LHFPL3: variants seen among roughly 807,000 people sequenced by gnomAD.
LHFPL3 encodes LHFPL tetraspan subfamily member 3.
In LHFPL3, 5 loss-of-function variants were observed where a neutral mutation model predicts 19.3. The ratio of observed to expected loss-of-function variants is 0.26; its 90% confidence interval spans 0.14 to 0.54. The LOEUF (loss-of-function observed/expected upper bound fraction) is 0.54, where lower values mean the gene tolerates loss of function less well. Among genes scored for constraint, LHFPL3 ranks in the 20% least tolerant of loss-of-function variants. The pLI is 0.94. For missense variants in LHFPL3, 249 were observed against 307.4 expected (o/e 0.81, Z 1.42); for synonymous variants, 133 against 126.2 (o/e 1.05, Z -0.36).
chr7:104,618,996 A>G (rs1293564290), intron 1 of LHFPL3, among the ~76,000 whole-genome samples: 2 of 152,170 alleles, frequency 1.3e-5, no homozygotes, highest in African/African-American at 4.8e-5. Context: ...CTAACTGTTC[A>G]CTCAGTGGTC....
intron 1 of LHFPL3, among the ~76,000 whole-genome samples, chr7:104,587,775 G>C (rs1790611539): frequency 6.6e-6 from 1 of 151,926 alleles, no homozygotes; most frequent in Non-Finnish European, 1.5e-5. Flanking sequence ...ATCCTCTCCA[G>C]CACCTGTTGT....
chr7:104,531,365 G>A (rs76579469), intron 1 of LHFPL3, among the ~76,000 whole-genome samples: 7 of 152,276 alleles, frequency 4.6e-5, no homozygotes, highest in African/African-American at 1.7e-4. Context: ...AATAAGAGTT[G>A]GCAAGGACCG....
chr7:104,432,394 C>T (rs868105039), intron 1 of LHFPL3, among the ~76,000 whole-genome samples: 2 of 152,260 alleles, frequency 1.3e-5, no homozygotes, highest in South Asian at 4.1e-4. Flanking sequence ...ACACTCTTAC[C>T]TTGACTTCCC....
intron 1 of LHFPL3, among the ~76,000 whole-genome samples, chr7:104,569,569 C>A (rs143894610): frequency 6.6e-6 from 1 of 151,992 alleles, no homozygotes; most frequent in Non-Finnish European, 1.5e-5. Flanking sequence ...GTTTACTATA[C>A]GAAAATAGAT....
chr7:104,443,979 C>G (rs1792277796), intron 1 of LHFPL3, among the ~76,000 whole-genome samples: 1 of 152,182 alleles, frequency 6.6e-6, no homozygotes, highest in South Asian at 2.1e-4. Flanking sequence ...TATTCATTTC[C>G]CAAAAGTCAT....
chr7:104,871,430 T>A lies in LHFPL3; in HGVS notation c.683-34757T>A, dbSNP rs567736981. Among the ~76,000 whole-genome samples, 11 of 152,296 alleles carry A rather than the reference T, an allele frequency of 7.2e-5. No individual in the cohort carries two copies. The East Asian group carries it at 1.3e-3, about 19-fold the overall frequency. On this transcript the variant is annotated intron_variant, in intron 2 of 2. Transcript: ENST00000424859. The stretch of plus-strand genomic sequence containing the variant: ...GGTGGGTCAGTGAGTGAATGGTGAA[T>A]GAATGTGAAGGCCTAGGATGTTACT...
intron 1 of LHFPL3, among the ~76,000 whole-genome samples, chr7:104,476,441 T>C (rs1189501328): frequency 6.8e-6 from 1 of 147,570 alleles, no homozygotes; most frequent in Non-Finnish European, 1.5e-5. Flanking sequence ...CAATGCTCTT[T>C]AGCTTCCCTC....
rs1356752373 is a variant in LHFPL3, at chr7:104,840,926, G to A, written c.683-65261G>A. Reference sequence around the variant, plus strand: ...AAGGTTGTCTTTTTTTTAATGTTTCGAGTATAATAAGTAAGCTTATGAAAT... The same window carrying A: ...AAGGTTGTCTTTTTTTTAATGTTTCAAGTATAATAAGTAAGCTTATGAAAT... On this transcript the variant is annotated intron_variant, in intron 2 of 2. Coordinates refer to ENST00000424859, the MANE Select transcript of LHFPL3 (RefSeq NM_199000.3). 2.6e-5 allele frequency among the ~76,000 whole-genome samples: 4 copies of A among 151,944 alleles called. No individual in the cohort carries two copies. The East Asian group carries it at 7.7e-4, about 29-fold the overall frequency.
intron 1 of LHFPL3, among the ~76,000 whole-genome samples, chr7:104,513,297 A>G (rs1793856535): frequency 6.6e-6 from 1 of 152,202 alleles, no homozygotes; most frequent in Non-Finnish European, 1.5e-5. Context: ...ACTTCAGCCC[A>G]TATGACTTAC....
intron 1 of LHFPL3, among the ~76,000 whole-genome samples, chr7:104,447,320 A>T (rs1224846394): frequency 6.6e-6 from 1 of 152,150 alleles, no homozygotes; most frequent in African/African-American, 2.4e-5. Context: ...ATTTTTAAGT[A>T]TCTCTCCCAG....
At chr7:104,585,671 C>T (rs983123748) in intron 1 of LHFPL3, among the ~76,000 whole-genome samples, 1 of 152,010 alleles carries the variant, frequency 6.6e-6, no homozygotes, top group Non-Finnish European at 1.5e-5. Flanking sequence ...TTTGGCTGAG[C>T]CCTGGAAATA....
At chr7:104,470,037 G>T (rs748646954) in intron 1 of LHFPL3, 8 of 455,930 alleles carry the variant, frequency 1.8e-5, no homozygotes, top group African/African-American at 1.4e-4. Flanking sequence ...TGAACTTCGG[G>T]TGTTTACTGC....
intron 1 of LHFPL3, among the ~76,000 whole-genome samples, chr7:104,388,754 A>G (rs1388698587): frequency 6.6e-6 from 1 of 152,182 alleles, no homozygotes; most frequent in Non-Finnish European, 1.5e-5. Context: ...TAATATATTA[A>G]TAGAGTAATG....
chr7:104,455,241 C>T (rs1792517213), intron 1 of LHFPL3, among the ~76,000 whole-genome samples: 1 of 152,184 alleles, frequency 6.6e-6, no homozygotes, highest in African/African-American at 2.4e-5. Context: ...GGTGATGAGG[C>T]ATATTAATTG....
intron 1 of LHFPL3, among the ~76,000 whole-genome samples, chr7:104,555,601 G>A (rs1288286739): frequency 6.6e-6 from 1 of 152,190 alleles, no homozygotes; most frequent in African/African-American, 2.4e-5. Context: ...CACAACATGT[G>A]AGAATTGTGG....
intron 1 of LHFPL3, among the ~76,000 whole-genome samples, chr7:104,614,237 A>G (rs138298244): frequency 2.6e-5 from 4 of 152,280 alleles, no homozygotes; most frequent in African/African-American, 4.8e-5. Flanking sequence ...TCTGTCTGCT[A>G]TATGCCATCA....
intron 2 of LHFPL3, chr7:104,845,379 C>A (rs1027052990): frequency 6.6e-6 from 10 of 1,512,122 alleles, no homozygotes; most frequent in African/African-American, 1.4e-5. Context: ...CCCACACTCT[C>A]AGATGATGGA....
At chr7:104,837,477 G>A (rs1280021487) in intron 2 of LHFPL3, among the ~76,000 whole-genome samples, 1 of 152,136 alleles carries the variant, frequency 6.6e-6, no homozygotes, top group Admixed American at 6.5e-5. Flanking sequence ...AATCTTCCCT[G>A]TGTATTTTAT....
At chr7:104,554,716 AT>A (rs1794730206) in intron 1 of LHFPL3, among the ~76,000 whole-genome samples, 1 of 151,590 alleles carries the variant, frequency 6.6e-6, no homozygotes, top group African/African-American at 2.4e-5. Context: ...GAGGGGATTT[AT>A]TATGGAAATT....
Sources: allele counts gnomAD v4.1 joint callset (sites outside exome capture counted in the v4.1 genomes callset), GRCh38; gene constraint gnomAD v4.1.1; transcripts MANE v1.5; gene names NCBI Gene and HGNC (gene_info 2026-07-23, HGNC 2026-07-21).